CARMIL1: variants seen among roughly 807,000 people sequenced by gnomAD.
CARMIL1 encodes the protein F-actin-uncapping protein LRRC16A.
In CARMIL1, 90 loss-of-function variants were observed where a neutral mutation model predicts 177.1. That is an observed-to-expected ratio of 0.51 (90% CI 0.43 to 0.61). The LOEUF (loss-of-function observed/expected upper bound fraction) is 0.61, where lower values mean the gene tolerates loss of function less well. Ranked by LOEUF, CARMIL1 falls within the 20% of genes least tolerant of loss-of-function variation. The pLI is 0.00. For synonymous variants in CARMIL1, 577 were observed against 606.2 expected, an observed-to-expected ratio of 0.95 and a Z score of 0.71; for missense variants, 1,380 against 1,667.0, an observed-to-expected ratio of 0.83 and a Z score of 3.00.
In CARMIL1 at chr6:25,451,739, T is replaced by G. The variant is rs187269420; in HGVS notation, c.614+1028T>G. On this transcript the variant is annotated intron_variant, in intron 8 of 36. Transcript: ENST00000329474. ...ATCTCTTCAATTCTGGATGTGCTGC[T>G]ACTTATTAGTAGCAGGGGTAGCAGG... 5.7e-3 allele frequency among the ~76,000 whole-genome samples: 866 copies of G among 152,312 alleles called. 17 individuals are homozygous for G. Among genetic ancestry groups the G allele is most frequent in the Admixed American group, 0.038 (574 of 15,294 alleles).
intron 2 of CARMIL1, among the ~76,000 whole-genome samples, chr6:25,406,743 T>A (rs540841782): frequency 6.6e-6 from 1 of 152,156 alleles, no homozygotes; most frequent in Non-Finnish European, 1.5e-5. Flanking sequence ...AGACCTATTG[T>A]GGGAAGGGCA....
intron 2 of CARMIL1, among the ~76,000 whole-genome samples, chr6:25,359,539 G>A (rs1419595004): frequency 6.6e-6 from 1 of 152,238 alleles, no homozygotes; most frequent in Non-Finnish European, 1.5e-5. Context: ...ACTTGGGTCA[G>A]TGTAGTATTT....
chr6:25,582,590 C>A (rs1020463379), intron 31 of CARMIL1, among the ~76,000 whole-genome samples: 2 of 152,126 alleles, frequency 1.3e-5, no homozygotes, highest in East Asian at 3.9e-4. Flanking sequence ...AAGCTGAATA[C>A]GACCCTGATC....
At position 25,491,790 on chromosome 6, in the gene CARMIL1, C is replaced by T. The variant is rs898317814; in HGVS notation, c.1124C>T (p.Thr375Ile). Residue 375 changes from threonine (T) to isoleucine (I), a missense_variant, in exon 14 of 37, where the codon ACA (threonine) becomes ATA (isoleucine). Coordinates refer to ENST00000329474, the MANE Select transcript of CARMIL1 (RefSeq NM_017640.6). The part of the protein sequence containing the change: ...NAIVHLDLSN[T>I]ECSLDMVCGA... ...ATTGTTCATCTGGATTTATCCAATACAGAATGTTCCCTGGACATGGTAAAT... is the reference window on the plus strand; with the variant it reads ...ATTGTTCATCTGGATTTATCCAATATAGAATGTTCCCTGGACATGGTAAAT... 29 of 1,598,924 alleles carry T rather than the reference C, an allele frequency of 1.8e-5. No individual in the cohort carries two copies. The highest frequency in any genetic ancestry group is 2.5e-5 in the Non-Finnish European group (29 of 1,171,796).
chr6:25,384,082 G>A (rs1048907442), intron 2 of CARMIL1, among the ~76,000 whole-genome samples: 19 of 152,100 alleles, frequency 1.2e-4, no homozygotes, highest in African/African-American at 1.9e-4. Context: ...CAAGCGCTCC[G>A]CCCACCTTGG....
chr6:25,357,985 A>G (rs989651450), intron 2 of CARMIL1, among the ~76,000 whole-genome samples: 3 of 152,256 alleles, frequency 2.0e-5, no homozygotes, highest in African/African-American at 7.2e-5. Flanking sequence ...GGCTGTGAGC[A>G]TTTAGCCTGA....
chr6:25,583,013 G>T (rs1449013572), intron 31 of CARMIL1, among the ~76,000 whole-genome samples: 1 of 152,134 alleles, frequency 6.6e-6, no homozygotes, highest in Non-Finnish European at 1.5e-5. Context: ...GCAAAAGCAG[G>T]AAGGGCATTC....
intron 32 of CARMIL1, among the ~76,000 whole-genome samples, chr6:25,596,324 T>C (rs1814845291): frequency 1.3e-5 from 2 of 152,150 alleles, no homozygotes; most frequent in African/African-American, 2.4e-5. Context: ...TATAAATAGA[T>C]TATTGTCAGT....
chr6:25,287,087 C>G (rs181290212), intron 2 of CARMIL1, among the ~76,000 whole-genome samples: 3 of 152,308 alleles, frequency 2.0e-5, no homozygotes, highest in Admixed American at 6.5e-5. Context: ...TGACAGGCTT[C>G]AAGTTAGAAC....
intron 1 of CARMIL1, 31 bp from the exon 2 acceptor site, chr6:25,284,781 T>G: frequency 7.8e-7 from 1 of 1,286,402 alleles, no homozygotes; most frequent in Non-Finnish European, 1.1e-6. Context: ...CTTTTTTTCT[T>G]ATTAATAACA....
chr6:25,327,202 G>A (rs1328401621), intron 2 of CARMIL1, among the ~76,000 whole-genome samples: 6 of 152,084 alleles, frequency 3.9e-5, no homozygotes, highest in African/African-American at 1.4e-4. Context: ...GCAAGAGCGG[G>A]CAAAGGACCA....
At chr6:25,427,907 T>C (rs1796415084) in intron 4 of CARMIL1, among the ~76,000 whole-genome samples, 1 of 152,210 alleles carries the variant, frequency 6.6e-6, no homozygotes, top group African/African-American at 2.4e-5. Context: ...TTTTGAGTTT[T>C]TAAAAAAATA....
chr6:25,467,596 C>A (rs1249438237), intron 9 of CARMIL1, among the ~76,000 whole-genome samples: 1 of 152,160 alleles, frequency 6.6e-6, no homozygotes, highest in Non-Finnish European at 1.5e-5. Flanking sequence ...CAGGTATCAT[C>A]TCCTTTCAGC....
At chr6:25,579,156 T>C (rs887570567) in intron 29 of CARMIL1, among the ~76,000 whole-genome samples, 6 of 150,204 alleles carry the variant, frequency 4.0e-5, no homozygotes, top group African/African-American at 1.5e-4. Context: ...TTTTATATAT[T>C]TTACATTTAT....
intron 2 of CARMIL1, among the ~76,000 whole-genome samples, chr6:25,305,491 G>A (rs1410648133): frequency 6.6e-6 from 1 of 152,156 alleles, no homozygotes; most frequent in East Asian, 1.9e-4. Context: ...TGTAAATACT[G>A]TCATTGCACT....
Position 25,540,023 on chromosome 6 carries a change from A to G in CARMIL1, c.2273A>G (p.Glu758Gly). The change falls in exon 26 of 37, where the codon GAG becomes GGG. Residue 758 changes from glutamate (E) to glycine (G), a missense_variant. Transcript: ENST00000329474. ...GGCTTACTATCCAGTCCAATTCAGG[A>G]GACCCTGGAATCAATGGCTGGAGAA... ...ASGLLSSPIQETLESMAGEVT... is the reference protein window; with the variant it reads ...ASGLLSSPIQGTLESMAGEVT... The G allele has an allele frequency of 6.2e-7, 1 of 1,609,828 alleles. No individual in the cohort carries two copies.
intron 17 of CARMIL1, chr6:25,507,530 T>C (rs1288472149): frequency 6.6e-6 from 1 of 152,628 alleles, no homozygotes; most frequent in Non-Finnish European, 1.5e-5. Context: ...ATTGATACAT[T>C]TGATTGTTTT....
chr6:25,586,690 C>T (rs1193053924), intron 31 of CARMIL1, among the ~76,000 whole-genome samples: 7 of 152,148 alleles, frequency 4.6e-5, no homozygotes, highest in African/African-American at 7.2e-5. Context: ...AGCGAGACTC[C>T]GTCTGCAATC....
At chr6:25,520,639 G>T (rs1469344834) in intron 23 of CARMIL1, among the ~76,000 whole-genome samples, 3 of 152,150 alleles carry the variant, frequency 2.0e-5, no homozygotes, top group Non-Finnish European at 4.4e-5. Flanking sequence ...GAAATGTGTG[G>T]AACTGAGTAT....
Sources: gnomAD v4.1 joint callset for allele counts (sites outside exome capture counted in the v4.1 genomes callset) on GRCh38, gnomAD v4.1.1 for gene constraint, MANE v1.5 for transcripts, NCBI Gene and HGNC (gene_info 2026-07-23, HGNC 2026-07-21) for gene names.